LRRC7: variants seen among roughly 807,000 people sequenced by gnomAD.
LRRC7 encodes the protein leucine rich repeat containing 7, also known as leucine-rich repeat-containing protein 7.
LRRC7 carries 23 observed loss-of-function variants against 175.7 expected under a neutral mutation model. The observed-to-expected ratio is 0.13, with a 90% CI of 0.09 to 0.19. The LOEUF (loss-of-function observed/expected upper bound fraction) is 0.19. Among genes scored for constraint, LRRC7 ranks in the 10% least tolerant of loss-of-function variants. The probability of loss-of-function intolerance (pLI) is 1.00; values close to 1 mark genes in which losing one functional copy is unlikely to be tolerated. For missense variants in LRRC7, 1,354 were observed against 1,904.7 expected (o/e 0.71, Z 5.38); for synonymous variants, 685 against 680.9 (o/e 1.01, Z -0.09).
At chr1:69,888,939 A>G (rs1370508019) in intron 7 of LRRC7, among the ~76,000 whole-genome samples, 1 of 152,242 alleles carries the variant, frequency 6.6e-6, no homozygotes, top group African/African-American at 2.4e-5. Context: ...TTGCAGACTC[A>G]GTTTCACACC....
chr1:69,572,868 G>A (rs1047030698), intron 1 of LRRC7, among the ~76,000 whole-genome samples: 5 of 151,912 alleles, frequency 3.3e-5, no homozygotes, highest in Non-Finnish European at 7.4e-5. Context: ...ATGTGTGTGT[G>A]GGGTATGTGT....
chr1:69,732,724 C>G (rs1667710403), intron 2 of LRRC7, among the ~76,000 whole-genome samples: 1 of 152,052 alleles, frequency 6.6e-6, no homozygotes, highest in South Asian at 2.1e-4. Context: ...AAGAGTTCAT[C>G]TGTCTCCTTT....
chr1:69,791,184 C>G (rs1675067641), intron 3 of LRRC7, among the ~76,000 whole-genome samples: 2 of 151,986 alleles, frequency 1.3e-5, no homozygotes, highest in Non-Finnish European at 2.9e-5. Context: ...ATGTTCATAT[C>G]TGGCAGGAGT....
chr1:69,808,331 C>T (rs1570039125), intron 4 of LRRC7, among the ~76,000 whole-genome samples: 1 of 151,888 alleles, frequency 6.6e-6, no homozygotes, highest in Admixed American at 6.6e-5. Flanking sequence ...TAATACCCTA[C>T]TGTCAATATT....
At chr1:69,684,893 G>T (rs557637595) in intron 2 of LRRC7, among the ~76,000 whole-genome samples, 3 of 152,228 alleles carry the variant, frequency 2.0e-5, no homozygotes, top group Admixed American at 1.3e-4. Context: ...GAACAGTAAG[G>T]CCCCAGGCCA....
At chr1:69,610,054 C>T (rs1219845015) in intron 1 of LRRC7, among the ~76,000 whole-genome samples, 3 of 151,976 alleles carry the variant, frequency 2.0e-5, no homozygotes, top group African/African-American at 7.2e-5. Context: ...AAAGAAAAAT[C>T]CTGATATAAT....
chr1:69,653,577 GTT>G (rs1218386040), intron 1 of LRRC7, among the ~76,000 whole-genome samples: 1 of 152,034 alleles, frequency 6.6e-6, no homozygotes, highest in Non-Finnish European at 1.5e-5. Flanking sequence ...TGCAGCCACT[GTT>G]TTCTAACAGT....
rs951096841 is a variant in LRRC7, at chr1:69,643,486, C to A, written c.3-34895C>A. ...TTCTCCAAAAACAGAAATTCCTCTG[C>A]AGCACATTCTCCTCCAGCCTCCTTC... On this transcript the variant is annotated intron_variant, in intron 1 of 26. Transcript: ENST00000651989. Among the ~76,000 whole-genome samples, 6 of 152,166 alleles carry A rather than the reference C, an allele frequency of 3.9e-5. No individual in the cohort carries two copies. The East Asian group carries it at 1.2e-3, about 29-fold the overall frequency.
At chr1:69,576,121 A>G (rs1341353395) in intron 1 of LRRC7, among the ~76,000 whole-genome samples, 1 of 149,326 alleles carries the variant, frequency 6.7e-6, no homozygotes, top group East Asian at 2.0e-4. Context: ...AGTCCCACCT[A>G]CTCAGGAGGC....
chr1:69,834,448 G>C (rs1400873322), intron 5 of LRRC7, among the ~76,000 whole-genome samples: 2 of 152,226 alleles, frequency 1.3e-5, no homozygotes, highest in Non-Finnish European at 2.9e-5. Context: ...TTACAAACAA[G>C]CCAAACAACT....
At position 69,812,596 on chromosome 1, in the gene LRRC7, T is replaced by C. The variant is rs188345141; in HGVS notation, c.422-13152T>C. Among the ~76,000 whole-genome samples the C allele has an allele frequency of 2.7e-3, 406 of 152,240 alleles. 1 individual carries two copies. Among genetic ancestry groups the C allele is most frequent in the Non-Finnish European group, 4.1e-3 (278 of 68,010 alleles). On this transcript the variant is annotated intron_variant, in intron 4 of 26. Coordinates refer to ENST00000651989, the MANE Select transcript of LRRC7 (RefSeq NM_001370785.2). Reference sequence around the variant, plus strand: ...GCAATTAAAATATCAGATGTAGATATTGAAATCTTATAAACATGTTTCCTG... The same window carrying C: ...GCAATTAAAATATCAGATGTAGATACTGAAATCTTATAAACATGTTTCCTG...
At chr1:69,968,986 T>A (rs1570847210) in intron 8 of LRRC7, among the ~76,000 whole-genome samples, 1 of 151,774 alleles carries the variant, frequency 6.6e-6, no homozygotes, top group African/African-American at 2.4e-5. Context: ...ACCTGGCTGG[T>A]TTTTTGTATT....
At chr1:69,845,749 T>G (rs150224632) in intron 7 of LRRC7, among the ~76,000 whole-genome samples, 110 of 152,272 alleles carry the variant, frequency 7.2e-4, no homozygotes, top group African/African-American at 2.3e-3. Context: ...GCCATTGTAA[T>G]GAAAATTCCA....
At chr1:70,078,389 C>G (rs941254957) in intron 24 of LRRC7, among the ~76,000 whole-genome samples, 3 of 152,116 alleles carry the variant, frequency 2.0e-5, no homozygotes, top group African/African-American at 7.2e-5. Context: ...TTCCCAATGG[C>G]ACCTTCAATG....
chr1:70,012,646 CAA>C (rs1656614016), intron 12 of LRRC7, among the ~76,000 whole-genome samples: 1 of 151,370 alleles, frequency 6.6e-6, no homozygotes, highest in South Asian at 2.1e-4. Context: ...CTGTTATAAA[CAA>C]AGATATATTA....
intron 1 of LRRC7, among the ~76,000 whole-genome samples, chr1:69,634,318 C>A (rs1652984565): frequency 6.6e-6 from 1 of 152,076 alleles, no homozygotes; most frequent in Non-Finnish European, 1.5e-5. Flanking sequence ...TAGCTACAAG[C>A]TATATTGTCA....
intron 1 of LRRC7, among the ~76,000 whole-genome samples, chr1:69,602,720 C>A (rs893349738): frequency 1.2e-4 from 18 of 152,126 alleles, no homozygotes; most frequent in Non-Finnish European, 1.5e-5. Context: ...TCTCTCCTAG[C>A]TGTTGGTGGC....
At chr1:69,730,233 G>T (rs1454992525) in intron 2 of LRRC7, among the ~76,000 whole-genome samples, 2 of 152,206 alleles carry the variant, frequency 1.3e-5, no homozygotes, top group Non-Finnish European at 2.9e-5. Flanking sequence ...CCATTGTCTT[G>T]GTGATTAGTA....
At chr1:69,890,883 C>A (rs1324390337) in intron 7 of LRRC7, among the ~76,000 whole-genome samples, 1 of 152,202 alleles carries the variant, frequency 6.6e-6, no homozygotes, top group Non-Finnish European at 1.5e-5. Context: ...TCTTCAGCTT[C>A]CTTACTTTTC....
Sources: allele counts gnomAD v4.1 joint callset (sites outside exome capture counted in the v4.1 genomes callset), GRCh38; gene constraint gnomAD v4.1.1; transcripts MANE v1.5; gene names NCBI Gene and HGNC (gene_info 2026-07-23, HGNC 2026-07-21).